The following PLA2G7 variants were observed in gnomAD, a reference collection of about 807,000 sequenced individuals.
The protein encoded by PLA2G7 is phospholipase A2 group VII, also known as platelet-activating factor acetylhydrolase.
PLA2G7 carries 63 observed loss-of-function variants against 49.6 expected under a neutral mutation model. That is an observed-to-expected ratio of 1.27 (90% CI 1.04 to 1.57). The LOEUF is 1.57. Ranked by LOEUF, PLA2G7 falls within the 40% of genes most tolerant of loss-of-function variation. The pLI, the probability that PLA2G7 is intolerant of heterozygous loss-of-function variation, is 0.00. For synonymous variants in PLA2G7, 193 were observed against 169.9 expected, an observed-to-expected ratio of 1.14 and a Z score of -1.06; for missense variants, 596 against 521.2, an observed-to-expected ratio of 1.14 and a Z score of -1.40.
At chr6:46,722,082 G>T (rs760647447) in intron 2 of PLA2G7, among the ~76,000 whole-genome samples, 3 of 152,112 alleles carry the variant, frequency 2.0e-5, no homozygotes, top group Admixed American at 1.3e-4. Context: ...TCCAATTAAG[G>T]TCTCTCTTAG....
At chr6:46,724,817 G>T (rs1038759867) in intron 1 of PLA2G7, among the ~76,000 whole-genome samples, 1 of 152,208 alleles carries the variant, frequency 6.6e-6, no homozygotes, top group East Asian at 1.9e-4. Flanking sequence ...GCTGTGTTAA[G>T]CCACTGAAAT....
intron 1 of PLA2G7, among the ~76,000 whole-genome samples, chr6:46,730,125 C>T (rs936775477): frequency 1.3e-5 from 2 of 152,106 alleles, no homozygotes; most frequent in Non-Finnish European, 2.9e-5. Context: ...AGGTTCAGGA[C>T]AAGGGACAGT....
chr6:46,706,562 C>T (rs568917292), intron 10 of PLA2G7, among the ~76,000 whole-genome samples: 1 of 152,314 alleles, frequency 6.6e-6, no homozygotes, highest in Admixed American at 6.5e-5. Context: ...GAAGAGGCTG[C>T]TGGTGTGGCA....
intron 9 of PLA2G7, among the ~76,000 whole-genome samples, chr6:46,708,597 C>T (rs1764908810): frequency 6.6e-6 from 1 of 152,042 alleles, no homozygotes; most frequent in African/African-American, 2.4e-5. Flanking sequence ...TTTAGAGGCA[C>T]TTCAGCTGAA....
Position 46,704,496 on chromosome 6 carries a change from A to G in PLA2G7, c.*64T>C. The stretch of plus-strand genomic sequence containing the variant: ...CTCTCTCTCACACACACACACACAC[A>G]CACACACACACACATAATTTTAGAC... On this transcript the variant is annotated 3_prime_UTR_variant, in exon 12 of 12. Coordinates refer to ENST00000274793, the MANE Select transcript of PLA2G7 (RefSeq NM_005084.4). The G allele has an allele frequency of 2.2e-6, 2 of 902,914 alleles. No homozygotes were observed. Among genetic ancestry groups the G allele is most frequent in the South Asian group, 1.3e-5 (1 of 75,622 alleles). The allele number at this position is 902,914 out of a possible 1,614,324, so 55.9% of individuals were successfully genotyped here. A position where few individuals can be genotyped will look rare whatever the true frequency, so the allele number is the denominator to read the frequency against.
chr6:46,722,110 G>A (rs9472831), intron 2 of PLA2G7, among the ~76,000 whole-genome samples: 64,855 of 151,920 alleles, frequency 0.43, 14,407 homozygotes, highest in East Asian at 0.57. Flanking sequence ...AAATGTAGCC[G>A]TCTAAAGATG....
chr6:46,716,885 G>T, intron 3 of PLA2G7, 90 bp downstream of exon 3: 2 of 1,331,470 alleles, frequency 1.5e-6, no homozygotes, highest in Non-Finnish European at 2.2e-6. Flanking sequence ...TCTCAGGTGA[G>T]GGCAAGGTCA....
intron 2 of PLA2G7, among the ~76,000 whole-genome samples, chr6:46,721,818 A>G (rs1181419855): frequency 1.3e-5 from 2 of 151,968 alleles, no homozygotes; most frequent in African/African-American, 4.8e-5. Flanking sequence ...CTTATGTAGT[A>G]GGGCAAAATT....
At chr6:46,725,162 G>A (rs569766964) in intron 1 of PLA2G7, among the ~76,000 whole-genome samples, 1 of 152,166 alleles carries the variant, frequency 6.6e-6, no homozygotes, top group Non-Finnish European at 1.5e-5. Flanking sequence ...GGGCTTTCGT[G>A]TAAGGGCAGC....
rs149088614 is a variant in PLA2G7 at position 46,717,106 on chromosome 6, A to G, written c.110-10T>C. ...ATTTTGTTGACCCATGCTGAAAAAC[A>G]GGTAAATATTATCTCATTTGTCATC... On this transcript the variant is annotated splice_polypyrimidine_tract_variant and intron_variant, in intron 2 of 11. Transcript: ENST00000274793. The G allele has an allele frequency of 2.2e-5, 35 of 1,610,780 alleles. No homozygotes were observed. In the East Asian group the frequency reaches 5.1e-4, roughly 24 times the overall value.
chr6:46,728,052 G>C (rs2150712037), intron 1 of PLA2G7, among the ~76,000 whole-genome samples: 1 of 152,264 alleles, frequency 6.6e-6, no homozygotes, highest in Non-Finnish European at 1.5e-5. Context: ...AACTGAATGA[G>C]ACAAAAAGCA....
At chr6:46,723,420 T>A (rs1765465436) in intron 1 of PLA2G7, among the ~76,000 whole-genome samples, 1 of 152,188 alleles carries the variant, frequency 6.6e-6, no homozygotes, top group Non-Finnish European at 1.5e-5. Context: ...ATTTCTATAA[T>A]CCTACTATGA....
Position 46,710,980 on chromosome 6 carries a change from C to T in PLA2G7, c.664-322G>A, listed in dbSNP as rs193012017. On this transcript the variant is annotated intron_variant, in intron 7 of 11. Transcript: ENST00000274793. ...CTCAAACATAATAACACATGTAAAA[C>T]ACCCACTATAAAGAGGAAGCCAATA... 1.8e-3 allele frequency among the ~76,000 whole-genome samples: 279 copies of T among 152,232 alleles called. 1 individual carries two copies. The highest frequency in any genetic ancestry group is 7.1e-3 in the South Asian group (34 of 4,822).
Position 46,714,217 on chromosome 6 carries a change from A to G in PLA2G7, c.470+243T>C, listed in dbSNP as rs927151806. 3.3e-5 allele frequency among the ~76,000 whole-genome samples: 5 copies of G among 152,318 alleles called. No individual in the cohort carries two copies. The East Asian group carries it at 9.6e-4, about 29-fold the overall frequency. ...TATTACAATAATGAAGGACAACTAT[A>G]GAAAATGCAACACCCTTTCTTCTCT... On this transcript the variant is annotated intron_variant, in intron 5 of 11. Transcript: ENST00000274793.
At chr6:46,711,721 G>T in intron 6 of PLA2G7, 102 bp from the exon 7 acceptor site, 1 of 1,183,504 alleles carries the variant, frequency 8.4e-7, no homozygotes, top group South Asian at 1.2e-5. Context: ...CTGATCTTTT[G>T]ACTTCCCTTT....
intron 6 of PLA2G7, among the ~76,000 whole-genome samples, 165 bp downstream of exon 6, chr6:46,712,104 T>C (rs531148643): frequency 6.6e-6 from 1 of 152,204 alleles, no homozygotes; most frequent in Non-Finnish European, 1.5e-5. Context: ...TGCTTTTAAG[T>C]CTTTTAAGTC....
At chr6:46,716,753 G>C (rs994984969) in intron 3 of PLA2G7, among the ~76,000 whole-genome samples, 4 of 152,148 alleles carry the variant, frequency 2.6e-5, no homozygotes, top group African/African-American at 9.7e-5. Context: ...CTGGCTTCAG[G>C]TATTAAGGAA....
chr6:46,729,435 G>A (rs1347663468), intron 1 of PLA2G7, among the ~76,000 whole-genome samples: 1 of 152,116 alleles, frequency 6.6e-6, no homozygotes, highest in Non-Finnish European at 1.5e-5. Flanking sequence ...GATGTCATAT[G>A]TACACACCAA....
intron 2 of PLA2G7, among the ~76,000 whole-genome samples, chr6:46,717,819 C>T (rs1273623300): frequency 6.7e-6 from 1 of 148,696 alleles, no homozygotes; most frequent in African/African-American, 2.5e-5. Flanking sequence ...TCAAGTGATT[C>T]TCCTGCCTCA....
Sources: allele counts gnomAD v4.1 joint callset (sites outside exome capture counted in the v4.1 genomes callset), GRCh38; gene constraint gnomAD v4.1.1; transcripts MANE v1.5; gene names NCBI Gene and HGNC (gene_info 2026-07-23, HGNC 2026-07-21).